Variants in GRIN2B observed in about 807,000 individuals in gnomAD.
GRIN2B encodes the protein glutamate receptor ionotropic, NMDA 2B.
Under a neutral mutation model 114.5 loss-of-function variants are expected in GRIN2B, and 5 were observed. The ratio of observed to expected loss-of-function variants is 0.04; its 90% confidence interval spans 0.02 to 0.09. The LOEUF (loss-of-function observed/expected upper bound fraction) is 0.09, where lower values mean the gene tolerates loss of function less well. GRIN2B is among the 10% of genes least tolerant of loss of function. The probability of loss-of-function intolerance (pLI) is 1.00; values close to 1 mark genes in which losing one functional copy is unlikely to be tolerated. For missense variants in GRIN2B, 1,108 were observed against 1,943.5 expected, an observed-to-expected ratio of 0.57 and a Z score of 8.08; for synonymous variants, 787 against 745.1, an observed-to-expected ratio of 1.06 and a Z score of -0.92.
At chr12:13,795,281 C>G (rs1864398283) in intron 3 of GRIN2B, among the ~76,000 whole-genome samples, 1 of 151,526 alleles carries the variant, frequency 6.6e-6, no homozygotes, top group Non-Finnish European at 1.5e-5. Context: ...ATCAGGGTAT[C>G]TAAATTTTAG....
chr12:13,667,073 C>G (rs1949983260), intron 5 of GRIN2B, among the ~76,000 whole-genome samples: 1 of 152,150 alleles, frequency 6.6e-6, no homozygotes, highest in Non-Finnish European at 1.5e-5. Context: ...TGGAAAGGGT[C>G]TCATACTGAG....
chr12:13,620,322 C>T (rs1358431094), intron 5 of GRIN2B, among the ~76,000 whole-genome samples: 1 of 152,186 alleles, frequency 6.6e-6, no homozygotes, highest in East Asian at 1.9e-4. Context: ...CTCACTGTAG[C>T]CGGATGATCT....
chr12:13,560,425 A>G lies in GRIN2B; in HGVS notation c.*2358T>C, dbSNP rs1344545208. 6.6e-6 allele frequency: 1 copy of G among 152,190 alleles called. No homozygotes were observed. The highest frequency in any genetic ancestry group is 1.5e-5 in the Non-Finnish European group (1 of 68,030). 9.4% of individuals were successfully genotyped at this position (152,190 alleles called of 1,614,324 possible). ...AATATTTACATATGAAATAAACACC[A>G]TCTTGATTTCTGTTGCCAGCGGAGA... On this transcript the variant is annotated 3_prime_UTR_variant, in exon 14 of 14. Transcript: ENST00000609686.
intron 3 of GRIN2B, among the ~76,000 whole-genome samples, chr12:13,864,608 A>G (rs892563252): frequency 2.6e-5 from 4 of 152,242 alleles, no homozygotes; most frequent in African/African-American, 9.6e-5. Flanking sequence ...GTAATGAACA[A>G]TAATCAGTAA....
intron 3 of GRIN2B, among the ~76,000 whole-genome samples, chr12:13,768,306 C>T (rs896347079): frequency 3.3e-5 from 5 of 152,158 alleles, no homozygotes; most frequent in Middle Eastern, 3.2e-3. Context: ...CTGGGCCTGG[C>T]TAGAAAAATG....
chr12:13,574,119 GGTAA>G (rs1036534347), intron 10 of GRIN2B, among the ~76,000 whole-genome samples: 1 of 152,122 alleles, frequency 6.6e-6, no homozygotes, highest in Non-Finnish European at 1.5e-5. Context: ...ACCCAAAGAG[GGTAA>G]GTAATTTGCT....
intron 3 of GRIN2B, among the ~76,000 whole-genome samples, chr12:13,786,024 T>C (rs1301327693): frequency 6.6e-6 from 1 of 152,182 alleles, no homozygotes; most frequent in African/African-American, 2.4e-5. Flanking sequence ...TACTACATCA[T>C]GAATCAAAAT....
intron 3 of GRIN2B, among the ~76,000 whole-genome samples, chr12:13,803,753 G>A (rs895325639): frequency 6.6e-6 from 1 of 152,102 alleles, no homozygotes; most frequent in Non-Finnish European, 1.5e-5. Context: ...TGGTGAGATG[G>A]GAAGGTGATG....
chr12:13,924,765 C>G (rs115830786), intron 2 of GRIN2B, among the ~76,000 whole-genome samples: 1 of 152,200 alleles, frequency 6.6e-6, no homozygotes, highest in South Asian at 2.1e-4. Context: ...CAACTTTTCA[C>G]GTATTCCTCC....
At chr12:13,880,533 G>C (rs904475512) in intron 2 of GRIN2B, among the ~76,000 whole-genome samples, 1 of 152,146 alleles carries the variant, frequency 6.6e-6, no homozygotes, top group African/African-American at 2.4e-5. Flanking sequence ...GCCTCTGAGA[G>C]CTGTTTAGGA....
intron 10 of GRIN2B, among the ~76,000 whole-genome samples, chr12:13,598,139 T>C (rs1471955571): frequency 6.6e-6 from 1 of 152,208 alleles, no homozygotes; most frequent in Non-Finnish European, 1.5e-5. Flanking sequence ...GCATGGCAGA[T>C]GTCCTCCTTG....
In GRIN2B at chr12:13,541,332, C is replaced by T. The variant is rs1424419879; in HGVS notation, c.*21451G>A. 1 of 152,206 alleles carries T rather than the reference C, an allele frequency of 6.6e-6. No individual in the cohort carries two copies. The highest frequency in any genetic ancestry group is 2.4e-5 in the African/African-American group (1 of 41,450). The allele number at this position is 152,206 out of a possible 1,614,324, so 9.4% of individuals were successfully genotyped here. A position where few individuals can be genotyped will look rare whatever the true frequency, so the allele number is the denominator to read the frequency against. ...TTTGCCCCTCACTTCCCACAAATTC[C>T]TTTAACAAATAGGCGTACCCAGGTT... On this transcript the variant is annotated 3_prime_UTR_variant, in exon 14 of 14. Transcript: ENST00000609686.
chr12:13,638,943 C>T (rs547244147), intron 5 of GRIN2B, among the ~76,000 whole-genome samples: 1 of 152,002 alleles, frequency 6.6e-6, no homozygotes, highest in African/African-American at 2.4e-5. Flanking sequence ...CCTCTTTGCA[C>T]GTTTGTTGTA....
At chr12:13,775,768 T>C (rs533282973) in intron 3 of GRIN2B, among the ~76,000 whole-genome samples, 1 of 152,186 alleles carries the variant, frequency 6.6e-6, no homozygotes, top group African/African-American at 2.4e-5. Context: ...GATATGTCAT[T>C]GTTGTTTTAA....
rs201438415 is a variant in GRIN2B, at chr12:13,562,704, G to A, written c.*79C>T. 12 of 1,177,006 alleles carry A rather than the reference G, an allele frequency of 1.0e-5. No individual in the cohort carries two copies. The highest frequency in any genetic ancestry group is 6.0e-5 in the African/African-American group (4 of 66,446). 72.9% of individuals were successfully genotyped at this position (1,177,006 alleles called of 1,614,324 possible). A position where few individuals can be genotyped will look rare whatever the true frequency, so the allele number is the denominator to read the frequency against. The stretch of plus-strand genomic sequence containing the variant: ...GCAAATGGGAACCAAGTTCACCCCC[G>A]TCACCCTCCGTGACATGCGCATCAC... On this transcript the variant is annotated 3_prime_UTR_variant, in exon 14 of 14. Transcript: ENST00000609686.
intron 3 of GRIN2B, among the ~76,000 whole-genome samples, chr12:13,803,626 G>T (rs220571): frequency 0.97 from 148,445 of 152,306 alleles, 72,451 homozygotes; most frequent in Middle Eastern, 1. Flanking sequence ...AAAATACTCT[G>T]TAAACCAACG....
chr12:13,746,428 A>C (rs12301788), intron 4 of GRIN2B, among the ~76,000 whole-genome samples: 49,812 of 151,798 alleles, frequency 0.33, 8,320 homozygotes, highest in Non-Finnish European at 0.37. Context: ...AGAGCCATTA[A>C]CCTTCTCGGG....
intron 2 of GRIN2B, among the ~76,000 whole-genome samples, chr12:13,907,199 G>A (rs1007413607): frequency 6.6e-6 from 1 of 152,146 alleles, no homozygotes; most frequent in Admixed American, 6.5e-5. Context: ...CTAAGAAAAA[G>A]CCTCCAGAGG....
intron 2 of GRIN2B, among the ~76,000 whole-genome samples, chr12:13,871,056 T>C (rs538228886): frequency 2.0e-5 from 3 of 152,100 alleles, no homozygotes; most frequent in Non-Finnish European, 4.4e-5. Context: ...GGCTAAAATA[T>C]AGACTTTTCA....
Sources: gnomAD v4.1 joint callset for allele counts (sites outside exome capture counted in the v4.1 genomes callset) on GRCh38, gnomAD v4.1.1 for gene constraint, MANE v1.5 for transcripts, NCBI Gene and HGNC (gene_info 2026-07-23, HGNC 2026-07-21) for gene names.